Variants in SORCS2 observed in about 807,000 individuals in gnomAD.
SORCS2 encodes VPS10 domain-containing receptor SorCS2.
A neutral mutation model predicts 141.6 loss-of-function variants in SORCS2; 100 were observed. The observed-to-expected ratio is 0.71, with a 90% CI of 0.60 to 0.83. SORCS2 has a LOEUF of 0.83. Ranked by LOEUF, SORCS2 falls within the 40% of genes least tolerant of loss-of-function variation. The pLI is 0.00. For synonymous variants in SORCS2, 789 were observed against 676.9 expected (o/e 1.17, Z -2.57); for missense variants, 1,646 against 1,560.2 (o/e 1.05, Z -0.93).
chr4:7,218,104 G>A (rs114425093), intron 1 of SORCS2, among the ~76,000 whole-genome samples: 1,540 of 152,294 alleles, frequency 0.01, 23 homozygotes, highest in African/African-American at 0.035. Flanking sequence ...GGGGTCAGGA[G>A]GGGCCCTCCT....
At chr4:7,245,885 T>A (rs2108798110) in intron 1 of SORCS2, among the ~76,000 whole-genome samples, 1 of 152,336 alleles carries the variant, frequency 6.6e-6, no homozygotes, top group Admixed American at 6.5e-5. Flanking sequence ...AGATGGCAAC[T>A]GACTTGTTCA....
chr4:7,343,628 C>T (rs376127552), intron 1 of SORCS2, among the ~76,000 whole-genome samples: 37 of 152,344 alleles, frequency 2.4e-4, no homozygotes, highest in African/African-American at 7.2e-4. Context: ...AGACCCAGTG[C>T]GGCTGTTTTC....
chr4:7,384,740 G>A (rs1723189635), intron 1 of SORCS2, among the ~76,000 whole-genome samples: 1 of 152,136 alleles, frequency 6.6e-6, no homozygotes, highest in African/African-American at 2.4e-5. Context: ...CACACTGCAC[G>A]GCCAACTCCC....
At chr4:7,438,702 T>G (rs1727462074) in intron 2 of SORCS2, among the ~76,000 whole-genome samples, 1 of 152,066 alleles carries the variant, frequency 6.6e-6, no homozygotes, top group Non-Finnish European at 1.5e-5. Context: ...AGACTCAGAA[T>G]TATTTTTTAC....
intron 1 of SORCS2, among the ~76,000 whole-genome samples, chr4:7,384,709 G>A (rs566154763): frequency 1.6e-4 from 25 of 152,254 alleles, no homozygotes; most frequent in African/African-American, 5.5e-4. Flanking sequence ...CCCTCACACT[G>A]TGCCGGTTGC....
chr4:7,328,676 C>G (rs142917436), intron 1 of SORCS2, among the ~76,000 whole-genome samples: 20 of 152,268 alleles, frequency 1.3e-4, no homozygotes, highest in Non-Finnish European at 2.2e-4. Context: ...GCCTCACGGA[C>G]TTGGGTATGT....
At chr4:7,597,771 G>C (rs1035487219) in intron 3 of SORCS2, among the ~76,000 whole-genome samples, 10 of 152,012 alleles carry the variant, frequency 6.6e-5, no homozygotes, top group African/African-American at 1.9e-4. Context: ...TCGACATTGA[G>C]ATCTATAAGC....
chr4:7,708,193 T>G (rs1725595553), intron 14 of SORCS2, among the ~76,000 whole-genome samples: 1 of 152,252 alleles, frequency 6.6e-6, no homozygotes, highest in Non-Finnish European at 1.5e-5. Flanking sequence ...CCTGTGATGC[T>G]TGGGGCCTTC....
At chr4:7,564,105 G>C (rs1231721832) in intron 3 of SORCS2, among the ~76,000 whole-genome samples, 1 of 152,224 alleles carries the variant, frequency 6.6e-6, no homozygotes, top group Non-Finnish European at 1.5e-5. Flanking sequence ...TGGGGATGGA[G>C]GGACAGGTGT....
intron 2 of SORCS2, among the ~76,000 whole-genome samples, chr4:7,499,825 A>ACAGC (rs777418019): frequency 6.6e-6 from 1 of 152,162 alleles, no homozygotes; most frequent in South Asian, 2.1e-4. Flanking sequence ...GAGAGCAAAC[A>ACAGC]ATCGGGGACC....
intron 3 of SORCS2, among the ~76,000 whole-genome samples, chr4:7,628,927 C>G (rs1489072201): frequency 6.6e-6 from 1 of 152,144 alleles, no homozygotes; most frequent in Admixed American, 6.5e-5. Flanking sequence ...TTCAGAGAGG[C>G]TTAATAATTG....
intron 12 of SORCS2, among the ~76,000 whole-genome samples, chr4:7,697,804 G>T (rs1577087395): frequency 6.6e-6 from 1 of 152,064 alleles, no homozygotes; most frequent in African/African-American, 2.4e-5. Flanking sequence ...GTCTGGGTTG[G>T]GGTGTCTGGG....
Position 7,447,132 on chromosome 4 carries a change from T to C in SORCS2, c.548+50777T>C, listed in dbSNP as rs371604322. Among the ~76,000 whole-genome samples, 13 of 152,338 alleles carry C rather than the reference T, an allele frequency of 8.5e-5. No individual in the cohort carries two copies. In the South Asian group the frequency reaches 2.1e-3, roughly 24 times the overall value. ...TGTGCTCAGTTCTGGGGGCTGGAAG[T>C]CCTAGATCAAGGTATGGGCAGAGTT... is the stretch of plus-strand genomic sequence containing the variant. On this transcript the variant is annotated intron_variant, in intron 2 of 26. Transcript: ENST00000507866.
At chr4:7,396,159 T>A in intron 1 of SORCS2, 129 bp from the exon 2 acceptor site, 1 of 763,652 alleles carries the variant, frequency 1.3e-6, no homozygotes, top group Non-Finnish European at 2.2e-6. Context: ...GGATACTGAC[T>A]AAGAGAGGCC....
chr4:7,453,795 G>C (rs1728664942), intron 2 of SORCS2, among the ~76,000 whole-genome samples: 1 of 132,998 alleles, frequency 7.5e-6, no homozygotes, highest in African/African-American at 2.9e-5. Context: ...GGGGTCAGGA[G>C]CTGTGTGTTA....
chr4:7,310,669 A>G (rs1718127212), intron 1 of SORCS2: 1 of 153,476 alleles, frequency 6.5e-6, no homozygotes, highest in Admixed American at 6.5e-5. Flanking sequence ...GGGCGGGGGC[A>G]CAAGGCAGAC....
chr4:7,664,397 A>T lies in SORCS2; in HGVS notation c.997A>T (p.Met333Leu). The T allele has an allele frequency of 5.6e-6, 9 of 1,613,812 alleles. No individual in the cohort carries two copies. The highest frequency in any genetic ancestry group is 7.6e-6 in the Non-Finnish European group (9 of 1,179,848). ...TCAIHNCSEK[M>L]LTAPFAGPID... ...CGCAATCCACAATTGCTCCGAGAAG[A>T]TGCTGACAGCCCCATTCGCAGGCCC... Residue 333 changes from methionine (M) to leucine (L), a missense_variant, in exon 7 of 27, where the codon ATG (methionine) becomes TTG (leucine). Physicochemically the swap from Met to Leu is conservative, Grantham distance 15 (BLOSUM62 2). Transcript: ENST00000507866. The surrounding 1 kb of genome is among the most constrained non-coding windows in gnomAD (Gnocchi z 4.7).
At chr4:7,539,122 G>A (rs1270815992) in intron 3 of SORCS2, among the ~76,000 whole-genome samples, 1 of 152,132 alleles carries the variant, frequency 6.6e-6, no homozygotes, top group Non-Finnish European at 1.5e-5. Context: ...AGGTCTAAGG[G>A]CCCCATCAGT....
intron 3 of SORCS2, among the ~76,000 whole-genome samples, chr4:7,533,165 G>GT (rs1170090522): frequency 6.6e-6 from 1 of 152,180 alleles, no homozygotes; most frequent in Non-Finnish European, 1.5e-5. Context: ...GGTGGTGCAG[G>GT]GGGCCTGGAT....
Sources: gnomAD v4.1 joint callset for allele counts (sites outside exome capture counted in the v4.1 genomes callset) on GRCh38, gnomAD v4.1.1 for gene constraint, Gnocchi (gnomAD v3.1) non-coding constraint, MANE v1.5 for transcripts, NCBI Gene and HGNC (gene_info 2026-07-23, HGNC 2026-07-21) for gene names.